The following TENM3 variants were observed in gnomAD, a reference collection of about 807,000 sequenced individuals.
TENM3 encodes the protein teneurin transmembrane protein 3, also known as teneurin-3.
TENM3 carries 63 observed loss-of-function variants against 255.1 expected under a neutral mutation model. The observed-to-expected ratio is 0.25, with a 90% CI of 0.20 to 0.30. TENM3 has a LOEUF of 0.30. Among genes scored for constraint, TENM3 ranks in the 10% least tolerant of loss-of-function variants. TENM3 has a pLI of 1.00. For synonymous variants in TENM3, 1,306 were observed against 1,322.3 expected, an observed-to-expected ratio of 0.99 and a Z score of 0.27; for missense variants, 2,929 against 3,461.1, an observed-to-expected ratio of 0.85 and a Z score of 3.86.
intron 3 of TENM3, among the ~76,000 whole-genome samples, chr4:182,435,370 T>C (rs1771968643): frequency 6.6e-6 from 1 of 152,242 alleles, no homozygotes; most frequent in Admixed American, 6.5e-5. Context: ...ACTTGACTTG[T>C]GAGTTGGTTG....
intron 3 of TENM3, among the ~76,000 whole-genome samples, chr4:182,410,712 C>T (rs997111942): frequency 3.9e-5 from 6 of 151,916 alleles, no homozygotes; most frequent in African/African-American, 7.3e-5. Flanking sequence ...GTCTTAACCA[C>T]GAGGACCACA....
the TENM3 span, among the ~76,000 whole-genome samples, chr4:181,984,895 A>AT: frequency 6.6e-6 from 1 of 151,632 alleles, no homozygotes; most frequent in African/African-American, 2.4e-5. Context: ...ATAAAAAACA[A>AT]TTCACTAGAG....
chr4:181,725,872 T>C, the TENM3 span, among the ~76,000 whole-genome samples: 1 of 152,218 alleles, frequency 6.6e-6, no homozygotes, highest in African/African-American at 2.4e-5. Context: ...CTAATACCAG[T>C]ACGATAGTAT....
chr4:182,603,053 A>G (rs113232908), intron 4 of TENM3, among the ~76,000 whole-genome samples: 10 of 152,350 alleles, frequency 6.6e-5, no homozygotes, highest in African/African-American at 1.7e-4. Context: ...AATTTGGAAT[A>G]ATTTTGAGAA....
At chr4:182,362,431 C>T (rs1385741252) in intron 3 of TENM3, among the ~76,000 whole-genome samples, 2 of 151,962 alleles carry the variant, frequency 1.3e-5, no homozygotes, top group South Asian at 2.1e-4. Context: ...CAATGGTGGT[C>T]GCCCCTCCCC....
At chr4:182,527,735 T>G (rs1427366733) in intron 3 of TENM3, among the ~76,000 whole-genome samples, 2 of 152,060 alleles carry the variant, frequency 1.3e-5, no homozygotes, top group Admixed American at 6.6e-5. Flanking sequence ...TGTTTTTGTT[T>G]TTTTTGTTTT....
the TENM3 span, among the ~76,000 whole-genome samples, chr4:181,601,142 C>T: frequency 6.6e-6 from 1 of 152,192 alleles, no homozygotes; most frequent in African/African-American, 2.4e-5. Context: ...TCTATGGCTG[C>T]TGTAACCAAT....
At chr4:182,073,436 G>A in the TENM3 span, among the ~76,000 whole-genome samples, 5 of 152,186 alleles carry the variant, frequency 3.3e-5, no homozygotes, top group Non-Finnish European at 4.4e-5. Context: ...TCTGCAAGCT[G>A]GGGAAAGAGC....
chr4:181,923,817 T>G, the TENM3 span, among the ~76,000 whole-genome samples: 1 of 152,282 alleles, frequency 6.6e-6, no homozygotes, highest in East Asian at 1.9e-4. Context: ...TCATTTTAAA[T>G]AATTTTTAAT....
At chr4:182,243,065 T>C (rs1757381526), upstream of TENM3, among the ~76,000 whole-genome samples, 1 of 152,214 alleles carries the variant, frequency 6.6e-6, no homozygotes, top group South Asian at 2.1e-4. Flanking sequence ...ACTTTAGATG[T>C]ATTGGAGATG....
the TENM3 span, among the ~76,000 whole-genome samples, chr4:181,935,631 T>C: frequency 1.3e-5 from 2 of 152,140 alleles, no homozygotes; most frequent in East Asian, 3.9e-4. Context: ...CTCTATTGGA[T>C]ACAAGCCCAC....
intron 3 of TENM3, among the ~76,000 whole-genome samples, chr4:182,488,392 G>A (rs1482001820): frequency 6.6e-6 from 1 of 152,158 alleles, no homozygotes; most frequent in Non-Finnish European, 1.5e-5. Flanking sequence ...CTGAGGAGGG[G>A]GAGATGAGTG....
chr4:181,743,548 G>T, the TENM3 span, among the ~76,000 whole-genome samples: 1 of 152,102 alleles, frequency 6.6e-6, no homozygotes, highest in Non-Finnish European at 1.5e-5. Context: ...AATCATTCCG[G>T]GAAGAAAGAA....
chr4:181,450,580 G>A, the TENM3 span, among the ~76,000 whole-genome samples: 1 of 152,110 alleles, frequency 6.6e-6, no homozygotes, highest in Non-Finnish European at 1.5e-5. Flanking sequence ...ACTTATCTGA[G>A]TGTTTGCGCA....
At chr4:182,532,349 T>C (rs1739860416) in intron 3 of TENM3, among the ~76,000 whole-genome samples, 1 of 152,202 alleles carries the variant, frequency 6.6e-6, no homozygotes, top group Non-Finnish European at 1.5e-5. Flanking sequence ...TGACACGTGG[T>C]GGCCATTCAG....
In TENM3 at chr4:182,681,875, C is replaced by T. The variant is rs751336139; in HGVS notation, c.1896C>T (p.Cys632=). 45 of 1,613,788 alleles carry T rather than the reference C, an allele frequency of 2.8e-5. No individual in the cohort carries two copies. The highest frequency in any genetic ancestry group is 3.5e-5 in the Non-Finnish European group (41 of 1,179,844). ...TGTGTATCCACGGGGAATGTCACTG[C>T]AGTCCAGGATGGGGAGGTAGCAATT... ...HGVCIHGECH[C]SPGWGGSNCE... Residue 632 remains cysteine (C), a synonymous_variant, in exon 11 of 28, where the codon TGC becomes TGT. Transcript: ENST00000511685.
chr4:182,100,818 TAC>T, the TENM3 span, among the ~76,000 whole-genome samples: 20 of 12,320 alleles, frequency 1.6e-3, 4 homozygotes, highest in African/African-American at 4.8e-3. Context: ...CACATATATA[TAC>T]ACATATATAT....
chr4:181,925,499 CT>C, the TENM3 span, among the ~76,000 whole-genome samples: 2 of 152,086 alleles, frequency 1.3e-5, no homozygotes, highest in Non-Finnish European at 2.9e-5. Context: ...TAATTAGCCC[CT>C]AAATATTCTT....
At chr4:181,926,478 A>G in the TENM3 span, among the ~76,000 whole-genome samples, 3 of 152,254 alleles carry the variant, frequency 2.0e-5, no homozygotes, top group Admixed American at 1.3e-4. Context: ...AGAATAGATC[A>G]TTGAAGAAAA....
Sources: allele counts gnomAD v4.1 joint callset (sites outside exome capture counted in the v4.1 genomes callset), GRCh38; gene constraint gnomAD v4.1.1; transcripts MANE v1.5; gene names NCBI Gene and HGNC (gene_info 2026-07-23, HGNC 2026-07-21).